The following AUTS2 variants were observed in gnomAD, a reference collection of about 807,000 sequenced individuals.
AUTS2 encodes the protein autism susceptibility gene 2 protein.
AUTS2 carries 17 observed loss-of-function variants against 112.4 expected under a neutral mutation model. That is an observed-to-expected ratio of 0.15 (90% CI 0.10 to 0.23). The LOEUF is 0.23. AUTS2 is among the 10% of genes least tolerant of loss of function. The pLI, the probability that AUTS2 is intolerant of heterozygous loss-of-function variation, is 1.00. For missense variants in AUTS2, 1,510 were observed against 1,701.6 expected (o/e 0.89, Z 1.98); for synonymous variants, 751 against 702.7 (o/e 1.07, Z -1.09).
chr7:70,453,705 C>G (rs1796620913), intron 5 of AUTS2, among the ~76,000 whole-genome samples: 1 of 152,212 alleles, frequency 6.6e-6, no homozygotes, highest in Admixed American at 6.5e-5. Context: ...ATTCTCATCT[C>G]TGCCTCTGTC....
chr7:70,625,637 T>TTGCAC (rs1211441741), intron 5 of AUTS2, among the ~76,000 whole-genome samples: 3 of 152,332 alleles, frequency 2.0e-5, no homozygotes, highest in African/African-American at 7.2e-5. Flanking sequence ...GCATTGTTGA[T>TTGCAC]TGCACCTATG....
intron 6 of AUTS2, among the ~76,000 whole-genome samples, chr7:70,719,347 G>A (rs1005883652): frequency 6.6e-6 from 1 of 152,136 alleles, no homozygotes; most frequent in Non-Finnish European, 1.5e-5. Context: ...GGGTTGCCTG[G>A]TTGTCAAGGG....
chr7:69,736,551 A>G (rs1787039418), intron 1 of AUTS2, among the ~76,000 whole-genome samples: 1 of 152,204 alleles, frequency 6.6e-6, no homozygotes, highest in South Asian at 2.1e-4. Context: ...TAGAGAAGAT[A>G]TAAATTTGCT....
chr7:69,801,367 A>C (rs1790073123), intron 1 of AUTS2, among the ~76,000 whole-genome samples: 1 of 151,432 alleles, frequency 6.6e-6, no homozygotes, highest in African/African-American at 2.4e-5. Context: ...GATGGACCTA[A>C]AACTGGGCAA....
In AUTS2 at chr7:70,764,773, A is replaced by C; in HGVS notation, c.1236A>C (p.Pro412=). The part of the protein sequence containing the change: ...NSLSSSRSST[P]AKTQPAPPHI... ...ATAGCAGCAGCAGAAGCAGCACTCC[A>C]GCGAAGACTCAGCCCGCCCCACCTC... Residue 412 remains proline (P), a synonymous_variant, in exon 8 of 19, where the codon CCA becomes CCC. Transcript: ENST00000342771. The C allele has an allele frequency of 1.3e-6, 1 of 767,226 alleles. No individual in the cohort carries two copies. Among genetic ancestry groups the C allele is most frequent in the Non-Finnish European group, 2.3e-6 (1 of 430,538 alleles). The allele number at this position is 767,226 out of a possible 1,614,324, so 47.5% of individuals were successfully genotyped here.
At chr7:69,809,396 C>T (rs1383636323) in intron 1 of AUTS2, among the ~76,000 whole-genome samples, 1 of 152,176 alleles carries the variant, frequency 6.6e-6, no homozygotes, top group Non-Finnish European at 1.5e-5. Flanking sequence ...ACATCATTTT[C>T]TTACCTTCCC....
intron 6 of AUTS2, among the ~76,000 whole-genome samples, chr7:70,707,116 C>T (rs1809780186): frequency 6.6e-6 from 1 of 152,142 alleles, no homozygotes; most frequent in African/African-American, 2.4e-5. Context: ...TACCTTGTAC[C>T]ATATTTTGAT....
intron 3 of AUTS2, among the ~76,000 whole-genome samples, chr7:70,129,885 AAT>A (rs57079488): frequency 4.8e-5 from 7 of 147,030 alleles, no homozygotes; most frequent in Admixed American, 1.4e-4. Context: ...TTCTCAATCA[AAT>A]ATATATATAT....
chr7:70,661,570 A>G (rs1299399078), intron 5 of AUTS2, among the ~76,000 whole-genome samples: 1 of 152,236 alleles, frequency 6.6e-6, no homozygotes, highest in Non-Finnish European at 1.5e-5. Flanking sequence ...TATCTGTGAA[A>G]TGGGAATAAT....
intron 5 of AUTS2, among the ~76,000 whole-genome samples, chr7:70,534,978 G>T (rs1167406111): frequency 6.7e-6 from 1 of 149,680 alleles, no homozygotes; most frequent in African/African-American, 2.5e-5. Context: ...TTTTTATATT[G>T]CCAAGTAAGA....
intron 4 of AUTS2, among the ~76,000 whole-genome samples, chr7:70,138,382 T>C (rs1346085557): frequency 1.3e-5 from 2 of 152,204 alleles, no homozygotes; most frequent in African/African-American, 4.8e-5. Context: ...CTTGACTCCA[T>C]GTGGAGTTGG....
intron 1 of AUTS2, among the ~76,000 whole-genome samples, chr7:69,634,075 G>A (rs1048331671): frequency 6.0e-5 from 9 of 151,136 alleles, no homozygotes; most frequent in Non-Finnish European, 1.0e-4. Context: ...ATTGTTTCTC[G>A]TTAGTTAGTG....
intron 2 of AUTS2, among the ~76,000 whole-genome samples, chr7:69,984,863 C>T (rs981573916): frequency 2.0e-5 from 3 of 152,094 alleles, no homozygotes; most frequent in Non-Finnish European, 4.4e-5. Flanking sequence ...GGATGAGGGG[C>T]TGGGCAACTT....
At chr7:69,945,384 C>T (rs1399010446) in intron 2 of AUTS2, among the ~76,000 whole-genome samples, 1 of 152,130 alleles carries the variant, frequency 6.6e-6, no homozygotes, top group Middle Eastern at 3.2e-3. Flanking sequence ...TGCCTTCATT[C>T]ACTTAGCATA....
chr7:70,126,261 C>T (rs1584760903), intron 3 of AUTS2, among the ~76,000 whole-genome samples: 1 of 151,998 alleles, frequency 6.6e-6, no homozygotes, highest in Admixed American at 6.6e-5. Flanking sequence ...TCTACTAAAA[C>T]TACAAATAAA....
In AUTS2 at chr7:70,717,888, G is replaced by A. The variant is rs116917441; in HGVS notation, c.742+19268G>A. 1.0e-3 allele frequency among the ~76,000 whole-genome samples: 153 copies of A among 152,220 alleles called. 1 individual carries two copies. The East Asian group carries it at 0.022, about 22-fold the overall frequency. On this transcript the variant is annotated intron_variant, in intron 6 of 18. Transcript: ENST00000342771. ...AAGGCATCCTCACCACTCACTTCCCGAGTGCTCTGTTACACCCAGCGCCAC... is the reference window on the plus strand; with the variant it reads ...AAGGCATCCTCACCACTCACTTCCCAAGTGCTCTGTTACACCCAGCGCCAC...
At chr7:70,624,576 C>G (rs1001416005) in intron 5 of AUTS2, among the ~76,000 whole-genome samples, 1 of 152,140 alleles carries the variant, frequency 6.6e-6, no homozygotes, top group African/African-American at 2.4e-5. Context: ...AGCCCCAACC[C>G]CAGGCCCTGG....
chr7:70,530,774 T>C (rs1800051579), intron 5 of AUTS2, among the ~76,000 whole-genome samples: 1 of 152,160 alleles, frequency 6.6e-6, no homozygotes, highest in South Asian at 2.1e-4. Context: ...GTCAGGATCT[T>C]GAGTTTGAGA....
chr7:70,673,155 T>G (rs891852420), intron 5 of AUTS2, among the ~76,000 whole-genome samples: 3 of 152,066 alleles, frequency 2.0e-5, no homozygotes, highest in Admixed American at 1.3e-4. Context: ...CCAACGCGAG[T>G]GACCTACATG....
Sources: allele counts gnomAD v4.1 joint callset (sites outside exome capture counted in the v4.1 genomes callset), GRCh38; gene constraint gnomAD v4.1.1; transcripts MANE v1.5; gene names NCBI Gene and HGNC (gene_info 2026-07-23, HGNC 2026-07-21).